FSTL5: variants seen among roughly 807,000 people sequenced by gnomAD.
FSTL5 encodes the protein follistatin like 5.
A neutral mutation model predicts 89.1 loss-of-function variants in FSTL5; 62 were observed. The observed-to-expected ratio is 0.70, with a 90% confidence interval of 0.57 to 0.86. The LOEUF is 0.86. Ranked by LOEUF, FSTL5 falls within the 40% of genes least tolerant of loss-of-function variation. The pLI, the probability that FSTL5 is intolerant of heterozygous loss-of-function variation, is 0.00. For synonymous variants in FSTL5, 383 were observed against 346.2 expected (o/e 1.11, Z -1.18); for missense variants, 1,057 against 1,001.6 (o/e 1.06, Z -0.75).
rs567438830 is a variant in FSTL5, at chr4:161,605,777, C to T, written c.895-18202G>A. On this transcript the variant is annotated intron_variant, in intron 7 of 15. Transcript: ENST00000306100. ...AACAGCGTTGTGAACAAATGAATTA[C>T]CTTTTGTGGTAGACTGATTTCATTG... Among the ~76,000 whole-genome samples the T allele has an allele frequency of 3.9e-5, 6 of 152,238 alleles. No homozygotes were observed. The South Asian group carries it at 1.0e-3, about 26-fold the overall frequency.
chr4:161,452,050 AC>A (rs1468015547), intron 15 of FSTL5, among the ~76,000 whole-genome samples: 1 of 152,162 alleles, frequency 6.6e-6, no homozygotes, highest in African/African-American at 2.4e-5. Context: ...CATGTTTCAG[AC>A]CCTCTGCCTG....
chr4:161,723,898 A>C (rs73862383), intron 6 of FSTL5, among the ~76,000 whole-genome samples: 2,021 of 152,182 alleles, frequency 0.013, 33 homozygotes, highest in African/African-American at 0.04. Flanking sequence ...TCTACACACA[A>C]AAAAAATTTG....
intron 4 of FSTL5, among the ~76,000 whole-genome samples, chr4:161,878,570 A>C (rs1442303804): frequency 6.6e-6 from 1 of 152,120 alleles, no homozygotes. Flanking sequence ...ATATCCTAAA[A>C]GATATATTTT....
intron 3 of FSTL5, among the ~76,000 whole-genome samples, chr4:162,001,954 T>A (rs978779647): frequency 3.3e-5 from 5 of 152,304 alleles, no homozygotes; most frequent in African/African-American, 9.6e-5. Context: ...CTAAATAATA[T>A]AAGGTTGCAA....
intron 6 of FSTL5, among the ~76,000 whole-genome samples, chr4:161,702,678 C>A (rs1444688780): frequency 1.3e-5 from 2 of 152,104 alleles, no homozygotes; most frequent in East Asian, 1.9e-4. Context: ...TGAGTGATTT[C>A]TCGTGTCATA....
At chr4:161,971,250 T>G (rs1265718146) in intron 3 of FSTL5, among the ~76,000 whole-genome samples, 2 of 152,164 alleles carry the variant, frequency 1.3e-5, no homozygotes, top group Non-Finnish European at 2.9e-5. Context: ...GTTATCACAC[T>G]GAACGCTATA....
intron 3 of FSTL5, among the ~76,000 whole-genome samples, chr4:162,025,694 T>C (rs1394888509): frequency 1.3e-5 from 2 of 152,172 alleles, no homozygotes; most frequent in African/African-American, 4.8e-5. Flanking sequence ...TTATTACCCA[T>C]GTAATGAGTT....
rs1367787145 is a variant in FSTL5 at position 161,830,946 on chromosome 4, T to A, written c.410-54872A>T. Among the ~76,000 whole-genome samples, 4 of 152,094 alleles carry A rather than the reference T, an allele frequency of 2.6e-5. No homozygotes were observed. The East Asian group carries it at 7.7e-4, about 29-fold the overall frequency. ...TTTAATAGTGGTATTAAATGATGTG[T>A]GGGTCCCTATTAGTGATATTTAGCT... On this transcript the variant is annotated intron_variant, in intron 4 of 15. Transcript: ENST00000306100.
chr4:161,795,409 T>C (rs143482926), intron 4 of FSTL5, among the ~76,000 whole-genome samples: 2 of 152,066 alleles, frequency 1.3e-5, no homozygotes, highest in Non-Finnish European at 2.9e-5. Context: ...GAGCACTTCA[T>C]GAGAGGAAGG....
chr4:161,777,046 A>G (rs966762679), intron 4 of FSTL5, among the ~76,000 whole-genome samples: 8 of 151,412 alleles, frequency 5.3e-5, no homozygotes, highest in African/African-American at 1.7e-4. Context: ...ATCTTTCCCA[A>G]CCTCTGGTAA....
intron 2 of FSTL5, among the ~76,000 whole-genome samples, chr4:162,057,042 T>G (rs1738565847): frequency 6.6e-6 from 1 of 152,342 alleles, no homozygotes; most frequent in Admixed American, 6.5e-5. Context: ...TTGAAACTGC[T>G]GTTTCACATA....
At chr4:162,079,503 T>C (rs890006880) in intron 2 of FSTL5, among the ~76,000 whole-genome samples, 7 of 151,622 alleles carry the variant, frequency 4.6e-5, no homozygotes, top group South Asian at 4.1e-4. Flanking sequence ...GTATGTCTTA[T>C]GTGTTAAAAG....
In FSTL5 at chr4:161,837,001, A is replaced by G. The variant is rs74957811; in HGVS notation, c.410-60927T>C. The stretch of plus-strand genomic sequence containing the variant: ...GTTTGAGACATCTATGTGCCATCCA[A>G]TTGAAGGCACTAAATATGTAGTTGG... On this transcript the variant is annotated intron_variant, in intron 4 of 15. Transcript: ENST00000306100. Among the ~76,000 whole-genome samples, 1,461 of 152,226 alleles carry G rather than the reference A, an allele frequency of 9.6e-3. 20 individuals carry two copies. The highest frequency in any genetic ancestry group is 0.032 in the African/African-American group (1,340 of 41,548).
chr4:162,005,561 A>G (rs1736592313), intron 3 of FSTL5, among the ~76,000 whole-genome samples: 1 of 152,146 alleles, frequency 6.6e-6, no homozygotes, highest in Admixed American at 6.6e-5. Flanking sequence ...TCAGAGTTGG[A>G]GAGGAATGTA....
intron 7 of FSTL5, among the ~76,000 whole-genome samples, chr4:161,604,715 C>G (rs761454445): frequency 6.6e-6 from 1 of 152,102 alleles, no homozygotes; most frequent in Non-Finnish European, 1.5e-5. Flanking sequence ...AGCCACTCAT[C>G]GTGTTATTGG....
intron 3 of FSTL5, among the ~76,000 whole-genome samples, chr4:161,936,835 T>C (rs891102705): frequency 1.3e-5 from 2 of 152,120 alleles, no homozygotes; most frequent in Admixed American, 6.6e-5. Context: ...CTGGCAGGAA[T>C]GTTGAAAGCC....
intron 6 of FSTL5, among the ~76,000 whole-genome samples, chr4:161,737,210 C>G (rs978138727): frequency 6.6e-6 from 1 of 151,942 alleles, no homozygotes. Context: ...TAAATCTAAC[C>G]CTTTATCAAT....
chr4:161,522,863 C>A (rs1578896814), intron 10 of FSTL5, among the ~76,000 whole-genome samples: 1 of 151,734 alleles, frequency 6.6e-6, no homozygotes, highest in Non-Finnish European at 1.5e-5. Flanking sequence ...AAAAATATCT[C>A]ATTTATTATA....
chr4:161,858,764 T>C (rs1731804942), intron 4 of FSTL5, among the ~76,000 whole-genome samples: 2 of 152,170 alleles, frequency 1.3e-5, no homozygotes, highest in Non-Finnish European at 2.9e-5. Context: ...CTCTACTCCT[T>C]CCTGTCTCTT....
Sources: allele counts gnomAD v4.1 joint callset (sites outside exome capture counted in the v4.1 genomes callset), GRCh38; gene constraint gnomAD v4.1.1; transcripts MANE v1.5; gene names NCBI Gene and HGNC (gene_info 2026-07-23, HGNC 2026-07-21).